REST: variants seen among roughly 807,000 people sequenced by gnomAD.
The protein encoded by REST is RE1 silencing transcription factor.
A neutral mutation model predicts 30.4 loss-of-function variants in REST; 1 was observed. The ratio of observed to expected loss-of-function variants is 0.03; its 90% CI spans 0.01 to 0.16. REST has a LOEUF of 0.16. Among genes scored for constraint, REST ranks in the 10% least tolerant of loss-of-function variants. The pLI is 1.00. For missense variants in REST, 1,259 were observed against 1,329.5 expected (o/e 0.95, Z 0.82); for synonymous variants, 504 against 451.1 (o/e 1.12, Z -1.49).
At chr4:56,909,175 G>C (rs1468656369) in intron 1 of REST, 1 of 152,480 alleles carries the variant, frequency 6.6e-6, no homozygotes, top group Admixed American at 6.5e-5. Flanking sequence ...GAGAGCGCAG[G>C]AAAAGGCTCA....
chr4:56,931,715 C>G lies in REST; in HGVS notation c.2857C>G (p.Gln953Glu), dbSNP rs758521937. 6.2e-7 allele frequency: 1 copy of G among 1,614,146 alleles called. No individual in the cohort carries two copies. Among genetic ancestry groups the G allele is most frequent in the East Asian group, 2.2e-5 (1 of 44,890 alleles). The change falls in exon 4 of 4, where the codon CAG becomes GAG. Residue 953 changes from glutamine to glutamate, a missense_variant. Physicochemically the swap from Gln to Glu is conservative, Grantham distance 29 (BLOSUM62 2). Coordinates refer to ENST00000309042, the MANE Select transcript of REST (RefSeq NM_005612.5). ...TTGTGAAATGAAAATGGACACTGAT[C>G]AGAACACAAGAGAGAATCTCACTGG... is the stretch of plus-strand genomic sequence containing the variant. ...IVCEMKMDTD[Q>E]NTRENLTGIN...
At chr4:56,910,065 C>A (rs1719826059) in intron 1 of REST, among the ~76,000 whole-genome samples, 1 of 152,134 alleles carries the variant, frequency 6.6e-6, no homozygotes, top group African/African-American at 2.4e-5. Context: ...GCTACTTTTT[C>A]ACAGTAGTTT....
At chr4:56,926,029 A>G (rs1720691469) in intron 3 of REST, among the ~76,000 whole-genome samples, 1 of 152,204 alleles carries the variant, frequency 6.6e-6, no homozygotes, top group Non-Finnish European at 1.5e-5. Flanking sequence ...CTCATGATGT[A>G]GGAAAGACAG....
At chr4:56,920,134 C>G (rs1193945789) in intron 3 of REST, 5 of 279,388 alleles carry the variant, frequency 1.8e-5, no homozygotes, top group Non-Finnish European at 3.3e-5. Flanking sequence ...CGTTCCGTGA[C>G]TCCAACAAAA....
At chr4:56,920,295 C>G (rs1720389540) in intron 3 of REST, among the ~76,000 whole-genome samples, 1 of 151,362 alleles carries the variant, frequency 6.6e-6, no homozygotes, top group South Asian at 2.1e-4. Flanking sequence ...AAGGTTTGTT[C>G]TGTTTCAAGG....
chr4:56,909,537 C>A (rs939698701), intron 1 of REST: 2 of 152,266 alleles, frequency 1.3e-5, no homozygotes, highest in Non-Finnish European at 2.9e-5. Flanking sequence ...AGCCCCGGGA[C>A]AGCCTTCGCC....
chr4:56,920,406 G>A (rs1056727812), intron 3 of REST, among the ~76,000 whole-genome samples: 1 of 150,480 alleles, frequency 6.6e-6, no homozygotes, highest in Non-Finnish European at 1.5e-5. Context: ...TAAGAGTATA[G>A]GACTGTAACA....
At chr4:56,910,252 A>G (rs1161446499) in intron 1 of REST, among the ~76,000 whole-genome samples, 2 of 152,226 alleles carry the variant, frequency 1.3e-5, no homozygotes, top group African/African-American at 2.4e-5. Flanking sequence ...TGGGAGGACA[A>G]TAATTTACTA....
Position 56,930,216 on chromosome 4 carries a change from T to C in REST, c.1358T>C (p.Ile453Thr). The change falls in exon 4 of 4, where the codon ATA becomes ACA. Residue 453 changes from isoleucine to threonine, a missense_variant. Coordinates refer to ENST00000309042, the MANE Select transcript of REST (RefSeq NM_005612.5). Reference sequence around the variant, plus strand: ...AAAACAGAAATAGAACAAACAAAAATAAAAGGGGATGTGGCTGGAAAGAAA... The same window carrying C: ...AAAACAGAAATAGAACAAACAAAAACAAAAGGGGATGTGGCTGGAAAGAAA... The part of the protein sequence containing the change: ...NEKTEIEQTK[I>T]KGDVAGKKNE... 1 of 1,605,440 alleles carries C rather than the reference T, an allele frequency of 6.2e-7. No homozygotes were observed. The highest frequency in any genetic ancestry group is 8.5e-7 in the Non-Finnish European group (1 of 1,178,148).
chr4:56,912,950 CTTTTT>C (rs74519023), intron 2 of REST, among the ~76,000 whole-genome samples: 3 of 140,980 alleles, frequency 2.1e-5, no homozygotes, highest in African/African-American at 7.8e-5. Context: ...CCAGCCGAAA[CTTTTT>C]TTTTTTTTTT....
At chr4:56,914,793 G>T (rs539339842) in intron 2 of REST, among the ~76,000 whole-genome samples, 2 of 151,802 alleles carry the variant, frequency 1.3e-5, no homozygotes, top group Non-Finnish European at 2.9e-5. Flanking sequence ...ACCTCAGGTC[G>T]TCTGCCCACC....
chr4:56,930,894 A>G lies in REST; in HGVS notation c.2036A>G (p.Gln679Arg). 1 of 1,613,966 alleles carries G rather than the reference A, an allele frequency of 6.2e-7. No individual in the cohort carries two copies. The highest frequency in any genetic ancestry group is 2.2e-5 in the East Asian group (1 of 44,850). ...GAGCCTGCTCAGATGGTGGGTGCCCAAATTGTACTTGCTCACATGGAGCTG... is the reference window on the plus strand; with the variant it reads ...GAGCCTGCTCAGATGGTGGGTGCCCGAATTGTACTTGCTCACATGGAGCTG... ...PVEPAQMVGA[Q>R]IVLAHMELPP... Residue 679 changes from glutamine to arginine, a missense_variant, in exon 4 of 4, where the codon CAA becomes CGA. By Grantham distance (43) the Gln-to-Arg change is conservative. Coordinates refer to ENST00000309042, the MANE Select transcript of REST (RefSeq NM_005612.5).
In REST at chr4:56,930,572, A is replaced by C. The variant is rs561677801; in HGVS notation, c.1714A>C (p.Asn572His). 6.2e-7 allele frequency: 1 copy of C among 1,612,278 alleles called. No homozygotes were observed. Among genetic ancestry groups the C allele is most frequent in the South Asian group, 1.1e-5 (1 of 90,868 alleles). Residue 572 changes from asparagine (N) to histidine (H), a missense_variant, in exon 4 of 4, where the codon AAT (asparagine) becomes CAT (histidine). Around this residue, in one of 5 missense-constraint regions of REST, gnomAD observed 856 missense variants for 772.8 expected, o/e 1.11. Transcript: ENST00000309042. ...DSKVEENKKQ[N>H]TCMKKSTKKK... ...CAAAGTGGAGGAGAATAAAAAGCAA[A>C]ATACTTGCATGAAAAAAAGTACAAA...
At chr4:56,915,392 C>T (rs1488736491) in intron 2 of REST, among the ~76,000 whole-genome samples, 4 of 151,220 alleles carry the variant, frequency 2.6e-5, no homozygotes, top group Middle Eastern at 6.3e-3. Context: ...ATTACAGGTG[C>T]GTGCCACCAC....
Position 56,930,082 on chromosome 4 carries a change from C to G in REST, c.1224C>G (p.Phe408Leu). The change falls in exon 4 of 4, where the codon TTC becomes TTG. Residue 408 changes from phenylalanine (F) to leucine (L), a missense_variant. Transcript: ENST00000309042. ...ASKKCNLQYH[F>L]KSKHPTCPNK... ...AGAAGTGTAATCTACAGTATCACTT[C>G]AAATCTAAGCATCCTACTTGTCCTA... The G allele has an allele frequency of 6.2e-7, 1 of 1,613,932 alleles. No homozygotes were observed. The highest frequency in any genetic ancestry group is 8.5e-7 in the Non-Finnish European group (1 of 1,179,988).
In REST at chr4:56,931,300, T is replaced by G. The variant is rs150135237; in HGVS notation, c.2442T>G (p.Pro814=). 3.3e-5 allele frequency: 53 copies of G among 1,614,058 alleles called. No homozygotes were observed. Among genetic ancestry groups the G allele is most frequent in the Non-Finnish European group, 3.8e-5 (45 of 1,180,048 alleles). Reference sequence around the variant, plus strand: ...ACATGGAGCCAATTTCCAAAAAGCCTCCTCTCCGAAAAGATAAAAAGGAAA... The same window carrying G: ...ACATGGAGCCAATTTCCAAAAAGCCGCCTCTCCGAAAAGATAAAAAGGAAA... The part of the protein sequence containing the change: ...PLHMEPISKK[P]PLRKDKKEKS... The change falls in exon 4 of 4, where the codon CCT becomes CCG. Residue 814 remains proline (P), a synonymous_variant. Coordinates refer to ENST00000309042, the MANE Select transcript of REST (RefSeq NM_005612.5).
chr4:56,909,833 A>G (rs961361998), intron 1 of REST, among the ~76,000 whole-genome samples: 9 of 152,226 alleles, frequency 5.9e-5, no homozygotes, highest in Non-Finnish European at 1.2e-4. Context: ...AGCACAATGC[A>G]AGAAAGTTGC....
Position 56,911,469 on chromosome 4 carries a change from A to G in REST, c.831A>G (p.Thr277=). The G allele has an allele frequency of 6.2e-7, 1 of 1,614,092 alleles. No individual in the cohort carries two copies. The highest frequency in any genetic ancestry group is 1.1e-5 in the South Asian group (1 of 91,080). ...LRNHFPRKVY[T]CGKCNYFSDR... ...ACCATTTTCCAAGGAAAGTATACAC[A>G]TGTGGAAAATGCAACTATTTTTCAG... The change falls in exon 2 of 4, where the codon ACA becomes ACG. Residue 277 remains threonine (T), a synonymous_variant. Transcript: ENST00000309042.
At chr4:56,920,389 G>GCTGT (rs1720393885) in intron 3 of REST, among the ~76,000 whole-genome samples, 1 of 149,974 alleles carries the variant, frequency 6.7e-6, no homozygotes, top group Non-Finnish European at 1.5e-5. Flanking sequence ...AATTTATTAA[G>GCTGT]CTGTATTAAG....
Sources: allele counts gnomAD v4.1 joint callset (sites outside exome capture counted in the v4.1 genomes callset), GRCh38; gene constraint gnomAD v4.1.1; regional missense constraint gnomAD v4.1.1; transcripts MANE v1.5; gene names NCBI Gene and HGNC (gene_info 2026-07-23, HGNC 2026-07-21).